The following NID1 variants were observed in gnomAD, a reference collection of about 807,000 sequenced individuals.
NID1 encodes nidogen-1.
NID1 carries 76 observed loss-of-function variants against 130.6 expected under a neutral mutation model. That is an observed-to-expected ratio of 0.58 (90% confidence interval 0.48 to 0.70). The LOEUF is 0.70. Among genes scored for constraint, NID1 ranks in the 30% least tolerant of loss-of-function variants. NID1 has a pLI of 0.00. For synonymous variants in NID1, 665 were observed against 675.1 expected (o/e 0.98, Z 0.23); for missense variants, 1,517 against 1,664.8 (o/e 0.91, Z 1.54).
intron 1 of NID1, among the ~76,000 whole-genome samples, chr1:236,057,465 C>T (rs959891912): frequency 8.6e-5 from 13 of 151,942 alleles, no homozygotes; most frequent in Non-Finnish European, 1.6e-4. Flanking sequence ...CGTGGTGGCT[C>T]ACACCTGTAA....
At chr1:236,061,551 C>T (rs894867008) in intron 1 of NID1, among the ~76,000 whole-genome samples, 78 of 152,194 alleles carry the variant, frequency 5.1e-4, no homozygotes, top group African/African-American at 1.7e-3. Context: ...CTGCAACCTC[C>T]ACCTCCCAGG....
intron 10 of NID1, 29 bp downstream of exon 10, chr1:236,017,119 T>A (rs765189153): frequency 1.9e-6 from 3 of 1,613,784 alleles, no homozygotes; most frequent in East Asian, 4.5e-5. Flanking sequence ...ATGTGAATAC[T>A]GTTTCGAAAA....
At chr1:235,993,451 GA>G (rs541476255) in intron 13 of NID1, among the ~76,000 whole-genome samples, 193 bp downstream of exon 13, 2 of 152,216 alleles carry the variant, frequency 1.3e-5, no homozygotes, top group Non-Finnish European at 2.9e-5. Flanking sequence ...CAGAGAGGGT[GA>G]GGAGGAGAGG....
chr1:235,980,318 T>C (rs947128730), intron 17 of NID1, among the ~76,000 whole-genome samples, 178 bp downstream of exon 17: 2 of 152,244 alleles, frequency 1.3e-5, no homozygotes, highest in Non-Finnish European at 2.9e-5. Context: ...TGCAGGTATC[T>C]ATACAATTTT....
chr1:236,020,383 AGAG>A (rs1658727638), intron 9 of NID1, among the ~76,000 whole-genome samples: 1 of 152,172 alleles, frequency 6.6e-6, no homozygotes, highest in Non-Finnish European at 1.5e-5. Context: ...CCAGGCTCTT[AGAG>A]GAGAAGAGTC....
In NID1 at chr1:236,061,638, G is replaced by A. The variant is rs577377992; in HGVS notation, c.225+3217C>T. ...ACGCCACCACACCTGGCTGTTTTTC[G>A]TATTTTTAGTAGAGATGAGGTTCCA... On this transcript the variant is annotated intron_variant, in intron 1 of 19. Coordinates refer to ENST00000264187, the MANE Select transcript of NID1 (RefSeq NM_002508.3). 1.2e-4 allele frequency among the ~76,000 whole-genome samples: 18 copies of A among 151,842 alleles called. 1 individual carries two copies. The highest frequency in any genetic ancestry group is 7.2e-4 in the Admixed American group (11 of 15,238).
intron 9 of NID1, among the ~76,000 whole-genome samples, chr1:236,019,082 C>T (rs572707381): frequency 2.6e-4 from 39 of 152,350 alleles, no homozygotes; most frequent in Admixed American, 5.2e-4. Flanking sequence ...TGTTCTGTGA[C>T]GTGTTTAAGA....
chr1:236,036,427 T>C (rs1258196650), intron 5 of NID1, among the ~76,000 whole-genome samples: 3 of 152,254 alleles, frequency 2.0e-5, no homozygotes, highest in African/African-American at 7.2e-5. Flanking sequence ...ATTATAACTA[T>C]GGCAGGTAGG....
Position 235,981,683 on chromosome 1 carries a change from C to T in NID1, c.3155G>A (p.Gly1052Asp). 1 of 1,614,230 alleles carries T rather than the reference C, an allele frequency of 6.2e-7. No individual in the cohort carries two copies. The highest frequency in any genetic ancestry group is 8.5e-7 in the Non-Finnish European group (1 of 1,180,034). The change falls in exon 16 of 20, where the codon GGC becomes GAC. Residue 1052 changes from glycine to aspartate, a missense_variant. Coordinates refer to ENST00000264187, the MANE Select transcript of NID1 (RefSeq NM_002508.3). ...CTCAAAGAGCACCCGGCGCTGCGTG[C>T]CGTCCAGCTTCGCCACTTCTATTCG... ...LDRIEVAKLD[G>D]TQRRVLFETD...
intron 4 of NID1, among the ~76,000 whole-genome samples, chr1:236,040,808 T>C (rs10803245): frequency 0.46 from 69,178 of 151,122 alleles, 16,176 homozygotes; most frequent in East Asian, 0.68. Context: ...GGATTACAGA[T>C]GCCTGCCACC....
chr1:235,985,578 A>G (rs1490370848), intron 14 of NID1, 73 bp from the exon 15 acceptor site: 36 of 1,541,240 alleles, frequency 2.3e-5, no homozygotes, highest in Non-Finnish European at 2.9e-5. Flanking sequence ...TTGCGTGCCT[A>G]CAGGCATTTG....
At chr1:236,014,837 T>C (rs1658540306) in intron 10 of NID1, among the ~76,000 whole-genome samples, 2 of 152,088 alleles carry the variant, frequency 1.3e-5, no homozygotes, top group Admixed American at 6.5e-5. Flanking sequence ...TTCAGAGGGG[T>C]ATCTACATCT....
intron 1 of NID1, among the ~76,000 whole-genome samples, chr1:236,062,633 CAAAAAAAA>C (rs56709890): frequency 5.8e-5 from 6 of 104,230 alleles, no homozygotes; most frequent in African/African-American, 1.9e-4. Context: ...GACTCTGTCT[CAAAAAAAA>C]AAAAAAAAAA....
intron 9 of NID1, among the ~76,000 whole-genome samples, chr1:236,023,673 T>C (rs528510365): frequency 6.6e-6 from 1 of 152,344 alleles, no homozygotes; most frequent in East Asian, 1.9e-4. Context: ...AAAATCCATC[T>C]TGTTAGAGTT....
In NID1 at chr1:236,029,754, A is replaced by G. The variant is rs970125518; in HGVS notation, c.1538-4T>C. The G allele has an allele frequency of 3.7e-6, 6 of 1,614,020 alleles. No homozygotes were observed. Among genetic ancestry groups the G allele is most frequent in the Middle Eastern group, 1.7e-4 (1 of 6,056 alleles). On this transcript the variant is annotated splice_region_variant and splice_polypyrimidine_tract_variant and intron_variant, in intron 6 of 19. Coordinates refer to ENST00000264187, the MANE Select transcript of NID1 (RefSeq NM_002508.3). ...GCCTGGCGAGTGAACTCACCCCCTG[A>G]AAAACAAGATGAGACTGTCACTTTG...
At position 236,011,930 on chromosome 1, in the gene NID1, C is replaced by A; in HGVS notation, c.2518G>T (p.Val840Leu). The A allele has an allele frequency of 6.2e-7, 1 of 1,613,924 alleles. No homozygotes were observed. The highest frequency in any genetic ancestry group is 1.7e-5 in the Admixed American group (1 of 60,030). Residue 840 changes from valine (V) to leucine (L), a missense_variant, in exon 12 of 20, where the codon GTG becomes TTG. Val to Leu is a conservative substitution (Grantham distance 32). Transcript: ENST00000264187. ...PGYQGDGFRC[V>L]PGEVEKTRCQ... ...TGTCCCACCACCTTACCTCCGGGCACGCAACGGAAGCCGTCTCCCTGATAA... is the reference window on the plus strand; with the variant it reads ...TGTCCCACCACCTTACCTCCGGGCAAGCAACGGAAGCCGTCTCCCTGATAA...
At chr1:236,016,641 T>C (rs141845536) in intron 10 of NID1, among the ~76,000 whole-genome samples, 142 of 152,296 alleles carry the variant, frequency 9.3e-4, no homozygotes, top group African/African-American at 3.4e-3. Context: ...CGCAACTTAC[T>C]TCTATAAGGC....
chr1:236,018,823 C>G (rs1012729215), intron 9 of NID1, among the ~76,000 whole-genome samples: 2 of 152,232 alleles, frequency 1.3e-5, no homozygotes, highest in African/African-American at 2.4e-5. Context: ...TCTTCTCCCC[C>G]TCATAAATCT....
Position 235,980,632 on chromosome 1 carries a change from C to T in NID1, c.3249G>A (p.Trp1083Ter), listed in dbSNP as rs1225478756. Residue 1083 changes from tryptophan (W) to a stop codon, truncating the protein, a stop_gained, in exon 17 of 20, where the codon TGG becomes TGA. Coordinates refer to ENST00000264187, the MANE Select transcript of NID1 (RefSeq NM_002508.3). LOFTEE classifies it high-confidence loss of function. ...SVRGNLYWTD[W>*]NRDNPKIETS... ...TTTCAATCTTGGGGTTATCTCTGTT[C>T]CAGTCTGTCCAGTAAAGGTTCCTGG... 1 of 1,613,998 alleles carries T rather than the reference C, an allele frequency of 6.2e-7. No homozygotes were observed. Among genetic ancestry groups the T allele is most frequent in the East Asian group, 2.2e-5 (1 of 44,878 alleles).
Sources: gnomAD v4.1 joint callset for allele counts (sites outside exome capture counted in the v4.1 genomes callset) on GRCh38, gnomAD v4.1.1 for gene constraint, MANE v1.5 for transcripts, NCBI Gene and HGNC (gene_info 2026-07-23, HGNC 2026-07-21) for gene names.